Variants in CNNM2 observed in about 807,000 individuals in gnomAD.
CNNM2 encodes metal transporter CNNM2.
CNNM2 carries 12 observed loss-of-function variants against 66.9 expected under a neutral mutation model. That is an observed-to-expected ratio of 0.18 (90% CI 0.11 to 0.29). CNNM2 has a LOEUF of 0.29. CNNM2 is among the 10% of genes least tolerant of loss of function. CNNM2 has a pLI of 1.00. For synonymous variants in CNNM2, 557 were observed against 501.8 expected, an observed-to-expected ratio of 1.11 and a Z score of -1.47; for missense variants, 705 against 1,167.7, an observed-to-expected ratio of 0.60 and a Z score of 5.77.
At chr10:103,072,549 C>CCAGGCAGGCGACCCCG in intron 6 of CNNM2, among the ~76,000 whole-genome samples, 2 of 152,298 alleles carry the variant, frequency 1.3e-5, no homozygotes, top group African/African-American at 4.8e-5. Context: ...CTCCCTGCCA[C>CCAGGCAGGCGACCCCG]CTGACTTTGT....
At chr10:102,944,591 T>TGTGG (rs143228126) in intron 1 of CNNM2, among the ~76,000 whole-genome samples, 1 of 151,290 alleles carries the variant, frequency 6.6e-6, no homozygotes, top group South Asian at 2.1e-4. Context: ...CGTGTGTGTG[T>TGTGG]GTGTGTGTGT....
intron 4 of CNNM2, among the ~76,000 whole-genome samples, chr10:103,066,629 T>G (rs557565760): frequency 1.3e-5 from 2 of 152,234 alleles, no homozygotes; most frequent in Non-Finnish European, 2.9e-5. Context: ...GCTGTCCCTT[T>G]CTCTTGGTCA....
At chr10:103,074,942 C>G (rs2065663264) in intron 6 of CNNM2, among the ~76,000 whole-genome samples, 2 of 152,162 alleles carry the variant, frequency 1.3e-5, no homozygotes, top group African/African-American at 2.4e-5. Flanking sequence ...GTGAGATGAA[C>G]AGCTGCAAGA....
At chr10:103,016,662 G>A (rs1429856945) in intron 1 of CNNM2, among the ~76,000 whole-genome samples, 4 of 152,204 alleles carry the variant, frequency 2.6e-5, no homozygotes, top group Non-Finnish European at 5.9e-5. Context: ...GTAACTGGAT[G>A]TGTATTAACC....
chr10:103,083,347 T>C lies in CNNM2; in HGVS notation c.*6167T>C, dbSNP rs1168699348. ...TTGTGATTGTTTTACAAGGTTTTTG[T>C]TTATTTCTATTCTATTTAGATAAAT... On this transcript the variant is annotated 3_prime_UTR_variant, in exon 8 of 8. Transcript: ENST00000369878. 1 of 152,234 alleles carries C rather than the reference T, an allele frequency of 6.6e-6. No individual in the cohort carries two copies. The allele number at this position is 152,234 out of a possible 1,614,324, so 9.4% of individuals were successfully genotyped here. A position where few individuals can be genotyped will look rare whatever the true frequency, so the allele number is the denominator to read the frequency against.
chr10:102,991,951 A>G (rs1339346185), intron 1 of CNNM2, among the ~76,000 whole-genome samples: 1 of 152,152 alleles, frequency 6.6e-6, no homozygotes, highest in Non-Finnish European at 1.5e-5. Context: ...AGCTGTATGA[A>G]CTATTACATT....
At chr10:103,048,323 C>G (rs2065162557) in intron 1 of CNNM2, among the ~76,000 whole-genome samples, 1 of 150,718 alleles carries the variant, frequency 6.6e-6, no homozygotes, top group African/African-American at 2.5e-5. Flanking sequence ...TCAAGTGATT[C>G]TCCCACCTCA....
intron 1 of CNNM2, among the ~76,000 whole-genome samples, chr10:103,036,583 C>T (rs2064943341): frequency 1.3e-5 from 2 of 152,122 alleles, no homozygotes; most frequent in Non-Finnish European, 2.9e-5. Context: ...TTTATCAAAT[C>T]GAGGTGGGGT....
At chr10:102,998,889 T>TA (rs2064055161) in intron 1 of CNNM2, among the ~76,000 whole-genome samples, 2 of 151,956 alleles carry the variant, frequency 1.3e-5, no homozygotes, top group South Asian at 4.2e-4. Flanking sequence ...AGAGCAATAT[T>TA]AAAAAATCAC....
chr10:102,928,159 T>A (rs1845940399), intron 1 of CNNM2, among the ~76,000 whole-genome samples: 1 of 152,264 alleles, frequency 6.6e-6, no homozygotes, highest in Non-Finnish European at 1.5e-5. Context: ...AATATATAAA[T>A]GTTTCTAACA....
rs77821021 is a variant in CNNM2 at position 103,043,013 on chromosome 10, A to T, written c.1622-6694A>T. Among the ~76,000 whole-genome samples the T allele has an allele frequency of 4.1e-3, 619 of 152,356 alleles. 20 individuals are homozygous for T. In the East Asian group the frequency reaches 0.072, roughly 18 times the overall value. ...ATCAGAAATTTAAAAACAAAAGCAT[A>T]TCAGATGCTTCATTTGCCGTCTCCT... On this transcript the variant is annotated intron_variant, in intron 1 of 7. Transcript: ENST00000369878.
At chr10:102,950,395 CTG>C (rs1475225350) in intron 1 of CNNM2, among the ~76,000 whole-genome samples, 1 of 152,084 alleles carries the variant, frequency 6.6e-6, no homozygotes, top group Non-Finnish European at 1.5e-5. Flanking sequence ...TATTTTTCAA[CTG>C]TGCATGTATT....
intron 1 of CNNM2, among the ~76,000 whole-genome samples, chr10:102,928,763 AG>A (rs1415750166): frequency 6.6e-6 from 1 of 152,136 alleles, no homozygotes; most frequent in African/African-American, 2.4e-5. Flanking sequence ...GCTGGTTCAG[AG>A]TCCCCATGGC....
chr10:103,056,797 G>C lies in CNNM2; in HGVS notation c.1906G>C (p.Val636Leu). Residue 636 changes from valine to leucine, a missense_variant and splice_region_variant, in exon 4 of 8, where the codon GTA (valine) becomes CTA (leucine). Coordinates refer to ENST00000369878, the MANE Select transcript of CNNM2 (RefSeq NM_017649.5). ...TCAAGTTGTGTTTATATCTATAGAA[G>C]TAGAAGCATTTAGCCCATCCCAGAT... ...LAMHRFLATE[V>L]EAFSPSQMSE... The C allele has an allele frequency of 1.2e-6, 2 of 1,613,712 alleles. No individual in the cohort carries two copies. The highest frequency in any genetic ancestry group is 1.7e-6 in the Non-Finnish European group (2 of 1,179,700).
intron 1 of CNNM2, among the ~76,000 whole-genome samples, chr10:102,994,721 C>T (rs184219414): frequency 1.3e-4 from 20 of 152,372 alleles, no homozygotes; most frequent in African/African-American, 4.6e-4. Context: ...CAGGCCTTGC[C>T]TCTGATACCC....
At chr10:102,972,567 C>T (rs1384427815) in intron 1 of CNNM2, among the ~76,000 whole-genome samples, 5 of 152,116 alleles carry the variant, frequency 3.3e-5, no homozygotes, top group African/African-American at 4.8e-5. Flanking sequence ...ACCCGGGCGG[C>T]GGAGCTTGCA....
At chr10:103,058,188 G>T (rs1261803944) in intron 4 of CNNM2, among the ~76,000 whole-genome samples, 1 of 152,134 alleles carries the variant, frequency 6.6e-6, no homozygotes, top group African/African-American at 2.4e-5. Context: ...AATTTAGTAC[G>T]CTGATTCATC....
At position 103,081,663 on chromosome 10, in the gene CNNM2, C is replaced by T. The variant is rs1437216508; in HGVS notation, c.*4483C>T. The T allele has an allele frequency of 1.3e-5, 2 of 152,208 alleles. No individual in the cohort carries two copies. The highest frequency in any genetic ancestry group is 2.4e-5 in the African/African-American group (1 of 41,436). The allele number at this position is 152,208 out of a possible 1,614,324, so 9.4% of individuals were successfully genotyped here. ...GTGCACCAATAGCTTGCTGCTGTTA[C>T]TTAGCAAGGCTGTGACAAGTAGGCC... On this transcript the variant is annotated 3_prime_UTR_variant, in exon 8 of 8. Transcript: ENST00000369878.
At chr10:102,923,934 A>G (rs1452465235) in intron 1 of CNNM2, among the ~76,000 whole-genome samples, 5 of 152,136 alleles carry the variant, frequency 3.3e-5, no homozygotes, top group Non-Finnish European at 7.4e-5. Flanking sequence ...GGTCAAACTC[A>G]GTTTTGTGTT....
Sources: gnomAD v4.1 joint callset for allele counts (sites outside exome capture counted in the v4.1 genomes callset) on GRCh38, gnomAD v4.1.1 for gene constraint, MANE v1.5 for transcripts, NCBI Gene and HGNC (gene_info 2026-07-23, HGNC 2026-07-21) for gene names.